Variants in MICAL2 observed in about 807,000 individuals in gnomAD.
MICAL2 encodes microtubule associated monooxygenase, calponin and LIM domain containing 2, also known as [F-actin]-monooxygenase MICAL2.
In MICAL2, 77 loss-of-function variants were observed where a neutral mutation model predicts 127.3. The ratio of observed to expected loss-of-function variants is 0.60; its 90% CI spans 0.50 to 0.73. MICAL2 has a LOEUF of 0.73. Ranked by LOEUF, MICAL2 falls within the 30% of genes least tolerant of loss-of-function variation. The probability of loss-of-function intolerance (pLI) is 0.00; values close to 1 mark genes in which losing one functional copy is unlikely to be tolerated. For missense variants in MICAL2, 1,351 were observed against 1,434.4 expected (o/e 0.94, Z 0.94); for synonymous variants, 570 against 551.1 (o/e 1.03, Z -0.48).
chr11:12,125,937 T>C (rs1234494562), intron 1 of MICAL2, among the ~76,000 whole-genome samples: 1 of 152,202 alleles, frequency 6.6e-6, no homozygotes, highest in African/African-American at 2.4e-5. Context: ...GGTGAGGCCA[T>C]GTGGAGTGAG....
intron 22 of MICAL2, chr11:12,252,624 G>A (rs767214754): frequency 2.0e-5 from 3 of 152,200 alleles, no homozygotes; most frequent in Non-Finnish European, 4.4e-5. Context: ...GCCCTATTTA[G>A]TGCCTGTGCT....
At chr11:12,312,571 C>A (rs1003255929) in intron 29 of MICAL2, among the ~76,000 whole-genome samples, 4 of 152,064 alleles carry the variant, frequency 2.6e-5, no homozygotes, top group African/African-American at 7.2e-5. Context: ...TGAAAATCAC[C>A]AACAAAAGGC....
intron 32 of MICAL2, among the ~76,000 whole-genome samples, chr11:12,348,816 T>C (rs1468370545): frequency 6.6e-6 from 1 of 152,196 alleles, no homozygotes; most frequent in Admixed American, 6.5e-5. Context: ...TAAGTGTATC[T>C]ACAGAAAAGT....
intron 2 of MICAL2, among the ~76,000 whole-genome samples, chr11:12,140,230 G>A (rs936855938): frequency 6.6e-6 from 1 of 152,186 alleles, no homozygotes; most frequent in African/African-American, 2.4e-5. Context: ...ATATTTCTTT[G>A]CACTTTATGT....
chr11:12,279,844 A>G (rs577669963), intron 1 of MICAL2, among the ~76,000 whole-genome samples: 1 of 152,198 alleles, frequency 6.6e-6, no homozygotes, highest in Non-Finnish European at 1.5e-5. Context: ...CCCTCTGGGA[A>G]CAATCAGTGA....
chr11:12,312,943 G>T (rs1242310588), intron 29 of MICAL2, among the ~76,000 whole-genome samples: 2 of 152,006 alleles, frequency 1.3e-5, no homozygotes, highest in African/African-American at 2.4e-5. Flanking sequence ...GAGATGGGCG[G>T]ATCACAAGGT....
downstream of MICAL2, chr11:12,294,684 A>G: frequency 1.2e-6 from 2 of 1,614,210 alleles, no homozygotes; most frequent in Non-Finnish European, 8.5e-7. Flanking sequence ...AGACAAAGAA[A>G]GGACATCAGG....
intron 18 of MICAL2, 70 bp downstream of exon 18, chr11:12,241,232 A>G: frequency 6.5e-7 from 1 of 1,548,276 alleles, no homozygotes; most frequent in Non-Finnish European, 8.7e-7. Flanking sequence ...GGGTGGGGTC[A>G]GTGGCTCTTC....
intron 3 of MICAL2, among the ~76,000 whole-genome samples, chr11:12,201,353 A>G (rs1224545156): frequency 6.6e-6 from 1 of 151,952 alleles, no homozygotes; most frequent in Non-Finnish European, 1.5e-5. Flanking sequence ...CTGCAGGCCC[A>G]GCTGAGTGAT....
At chr11:12,172,181 A>C (rs1216521547) in intron 3 of MICAL2, among the ~76,000 whole-genome samples, 2 of 152,178 alleles carry the variant, frequency 1.3e-5, no homozygotes, top group Non-Finnish European at 1.5e-5. Context: ...CTAGCTACAT[A>C]CATCTCTTTA....
chr11:12,318,401 A>G (rs1002935478), intron 29 of MICAL2, among the ~76,000 whole-genome samples: 5 of 152,212 alleles, frequency 3.3e-5, no homozygotes, highest in African/African-American at 1.2e-4. Flanking sequence ...TGAGCTTTCC[A>G]TCTGGCAAAT....
At chr11:12,312,298 T>C (rs1379729612) in intron 29 of MICAL2, among the ~76,000 whole-genome samples, 2 of 151,976 alleles carry the variant, frequency 1.3e-5, no homozygotes, top group Admixed American at 6.5e-5. Flanking sequence ...TGGTTCTTTT[T>C]CTAGCTTCTT....
At chr11:12,358,184 C>T in intron 34 of MICAL2, 3 of 1,057,490 alleles carry the variant, frequency 2.8e-6, no homozygotes, top group Admixed American at 5.1e-5. Flanking sequence ...CTTGTTTTCT[C>T]CATTAAAATT....
intron 32 of MICAL2, among the ~76,000 whole-genome samples, chr11:12,336,544 A>T (rs1239999130): frequency 6.6e-6 from 1 of 152,116 alleles, no homozygotes; most frequent in Non-Finnish European, 1.5e-5. Flanking sequence ...TTTCAAAGGG[A>T]ATGCTTCCAG....
chr11:12,310,663 C>G (rs558225686), intron 29 of MICAL2, among the ~76,000 whole-genome samples: 4 of 151,858 alleles, frequency 2.6e-5, no homozygotes, highest in Admixed American at 6.6e-5. Flanking sequence ...TGGGGTCTTT[C>G]GTGGTTCTGT....
intron 33 of MICAL2, chr11:12,354,712 C>T (rs1325294423): frequency 2.3e-6 from 3 of 1,297,814 alleles, no homozygotes; most frequent in South Asian, 2.5e-5. Context: ...TAGCTACTCT[C>T]AATGGGCTTA....
chr11:12,220,392 G>T lies in MICAL2; in HGVS notation c.1140G>T (p.Ala380=), dbSNP rs373393131. 5.6e-6 allele frequency: 9 copies of T among 1,614,040 alleles called. No individual in the cohort carries two copies. The highest frequency in any genetic ancestry group is 1.7e-5 in the Admixed American group (1 of 60,030). Residue 380 remains alanine (A), a synonymous_variant, in exon 9 of 28, where the codon GCG becomes GCT. Coordinates refer to ENST00000683283, the MANE Select transcript of MICAL2 (RefSeq NM_001282663.2). ...CCTGCATGTATGCCTCAGAGAACGC[G>T]GCCCTGGTGCGGGAGCGGCAGGCGC... ...DFTCMYASEN[A]ALVRERQAHQ...
chr11:12,215,948 G>T lies in MICAL2; in HGVS notation c.848-271G>T, dbSNP rs1482513744. 2.0e-5 allele frequency among the ~76,000 whole-genome samples: 3 copies of T among 152,132 alleles called. No individual in the cohort carries two copies. In the East Asian group the frequency reaches 5.8e-4, roughly 29 times the overall value. ...CTTGGCTTTTCTGCACAATTACCCG[G>T]CTCTAACTTATACTGGCCCACAACC... On this transcript the variant is annotated intron_variant, in intron 7 of 27. Transcript: ENST00000683283.
At position 12,142,636 on chromosome 11, in the gene MICAL2, C is replaced by G. The variant is rs115268579; in HGVS notation, c.-78+4176C>G. Reference sequence around the variant, plus strand: ...TAGAACTCCATTTGGCCCAACACTTCCTGCTGAGCTCAAGGAAATGCATCT... The same window carrying G: ...TAGAACTCCATTTGGCCCAACACTTGCTGCTGAGCTCAAGGAAATGCATCT... On this transcript the variant is annotated intron_variant, in intron 2 of 27. Transcript: ENST00000683283. Among the ~76,000 whole-genome samples the G allele has an allele frequency of 5.5e-3, 843 of 152,314 alleles. 6 individuals are homozygous for G. Among genetic ancestry groups the G allele is most frequent in the African/African-American group, 0.02 (815 of 41,562 alleles).
Sources: allele counts gnomAD v4.1 joint callset (sites outside exome capture counted in the v4.1 genomes callset), GRCh38; gene constraint gnomAD v4.1.1; transcripts MANE v1.5; gene names NCBI Gene and HGNC (gene_info 2026-07-23, HGNC 2026-07-21).